Variants in CRACD observed in about 807,000 individuals in gnomAD.
The protein encoded by CRACD is capping protein inhibiting regulator of actin dynamics.
In CRACD, 56 loss-of-function variants were observed where a neutral mutation model predicts 106.8. The observed-to-expected ratio is 0.52, with a 90% CI of 0.42 to 0.66. The LOEUF (loss-of-function observed/expected upper bound fraction) is 0.66, where lower values mean the gene tolerates loss of function less well. Ranked by LOEUF, CRACD falls within the 30% of genes least tolerant of loss-of-function variation. The probability of loss-of-function intolerance (pLI) is 0.00; values close to 1 mark genes in which losing one functional copy is unlikely to be tolerated. For synonymous variants in CRACD, 754 were observed against 670.8 expected (o/e 1.12, Z -1.92); for missense variants, 1,730 against 1,623.2 (o/e 1.07, Z -1.13).
chr4:56,197,503 C>T (rs1737664501), intron 2 of CRACD, among the ~76,000 whole-genome samples: 1 of 152,078 alleles, frequency 6.6e-6, no homozygotes, highest in Non-Finnish European at 1.5e-5. Context: ...TCTCTTTCTT[C>T]CCTCCCTCTT....
chr4:56,282,055 C>A (rs1261424972), intron 3 of CRACD, among the ~76,000 whole-genome samples: 2 of 152,152 alleles, frequency 1.3e-5, no homozygotes, highest in South Asian at 2.1e-4. Context: ...CCAGTCTCTT[C>A]CAGCAACTCT....
intron 4 of CRACD, among the ~76,000 whole-genome samples, chr4:56,303,747 C>T (rs28630593): frequency 0.34 from 52,044 of 152,134 alleles, 10,497 homozygotes; most frequent in African/African-American, 0.56. Context: ...TACCTGAGGA[C>T]TGAGCACCAT....
At chr4:56,216,832 T>G (rs986880478) in intron 2 of CRACD, among the ~76,000 whole-genome samples, 3 of 148,484 alleles carry the variant, frequency 2.0e-5, no homozygotes, top group African/African-American at 5.0e-5. Context: ...TACAAAAAAT[T>G]AGCCGGGCGC....
At chr4:56,182,863 A>ATG (rs34291347) in intron 2 of CRACD, among the ~76,000 whole-genome samples, 28,129 of 144,508 alleles carry the variant, frequency 0.19, 2,963 homozygotes, top group Middle Eastern at 0.26. Context: ...AAAAAAAGAT[A>ATG]TGTGTGTGTG....
At chr4:56,076,784 T>G (rs1732854177) in intron 1 of CRACD, among the ~76,000 whole-genome samples, 1 of 152,238 alleles carries the variant, frequency 6.6e-6, no homozygotes. Flanking sequence ...TCTGTTTCCT[T>G]TGTCAGACTG....
intron 3 of CRACD, among the ~76,000 whole-genome samples, chr4:56,289,403 G>A (rs371739852): frequency 7.9e-5 from 12 of 152,172 alleles, no homozygotes; most frequent in East Asian, 3.8e-4. Flanking sequence ...TGGGCATGGC[G>A]GTTCACACCT....
chr4:56,212,082 G>C (rs1738439294), intron 2 of CRACD, among the ~76,000 whole-genome samples: 1 of 152,182 alleles, frequency 6.6e-6, no homozygotes, highest in Admixed American at 6.5e-5. Context: ...AGACCCTGCT[G>C]ATGAAATGGG....
intron 2 of CRACD, among the ~76,000 whole-genome samples, chr4:56,201,305 A>T (rs927537388): frequency 1.3e-5 from 2 of 152,214 alleles, no homozygotes; most frequent in African/African-American, 2.4e-5. Flanking sequence ...TTATACTTGA[A>T]CTTTCCAGAG....
intron 1 of CRACD, among the ~76,000 whole-genome samples, chr4:56,123,299 A>G (rs1390512864): frequency 3.3e-5 from 5 of 152,234 alleles, no homozygotes; most frequent in Non-Finnish European, 7.3e-5. Context: ...TTTATTTCTT[A>G]TAGTTCCAGA....
chr4:56,197,111 A>G (rs544366324), intron 2 of CRACD, among the ~76,000 whole-genome samples: 147 of 152,334 alleles, frequency 9.6e-4, no homozygotes, highest in Middle Eastern at 6.8e-3. Context: ...ATAATATATT[A>G]CATTGAATAA....
chr4:56,050,780 C>T (rs1285671956), intron 1 of CRACD, among the ~76,000 whole-genome samples: 1 of 152,138 alleles, frequency 6.6e-6, no homozygotes, highest in Non-Finnish European at 1.5e-5. Context: ...GTTACTGGAT[C>T]GCCCTTTCCA....
chr4:56,060,661 A>G (rs1262495143), intron 1 of CRACD, among the ~76,000 whole-genome samples: 2 of 152,108 alleles, frequency 1.3e-5, no homozygotes, highest in African/African-American at 2.4e-5. Context: ...AGGGTGCCGC[A>G]ATGGACTGAA....
chr4:56,135,159 G>A (rs377142523), intron 1 of CRACD, among the ~76,000 whole-genome samples: 55 of 152,222 alleles, frequency 3.6e-4, no homozygotes, highest in Non-Finnish European at 6.2e-4. Context: ...GGCGGTATGC[G>A]CCTGTAATCC....
chr4:56,315,298 C>T lies in CRACD; in HGVS notation c.1796C>T (p.Thr599Met), dbSNP rs1273455159. ...GTTCCCCACACCGCCATTCTGGTCACGGGCGCGCAGCTCTGTGGCCCGGCA... is the reference window on the plus strand; with the variant it reads ...GTTCCCCACACCGCCATTCTGGTCATGGGCGCGCAGCTCTGTGGCCCGGCA... ...LSVPHTAILV[T>M]GAQLCGPAVN... The change falls in exon 8 of 11, where the codon ACG (threonine) becomes ATG (methionine). Residue 599 changes from threonine to methionine, a missense_variant. Physicochemically the swap from Thr to Met is moderately conservative, Grantham distance 81. Transcript: ENST00000682029. The surrounding 1 kb of genome is among the most constrained non-coding windows in gnomAD (Gnocchi z 4.1). 1 of 1,613,720 alleles carries T rather than the reference C, an allele frequency of 6.2e-7. No homozygotes were observed. Among genetic ancestry groups the T allele is most frequent in the Non-Finnish European group, 8.5e-7 (1 of 1,179,912 alleles).
chr4:56,252,096 G>A (rs569281669), intron 2 of CRACD, among the ~76,000 whole-genome samples: 2 of 152,156 alleles, frequency 1.3e-5, no homozygotes, highest in East Asian at 3.9e-4. Flanking sequence ...AGCAATTTTG[G>A]TCATGACCCA....
Position 56,314,508 on chromosome 4 carries a change from G to A in CRACD, c.1006G>A (p.Glu336Lys), listed in dbSNP as rs1261045174. The A allele has an allele frequency of 6.6e-7, 1 of 1,516,122 alleles. No homozygotes were observed. The highest frequency in any genetic ancestry group is 2.5e-5 in the East Asian group (1 of 40,698). The allele number at this position is 1,516,122 out of a possible 1,614,324, so 93.9% of individuals were successfully genotyped here. Reference sequence around the variant, plus strand: ...CCAAGCGGAGGAGAGGCGGCGGCTGGAGGAGGACGCCAGGCTGGAGGAGCG... The same window carrying A: ...CCAAGCGGAGGAGAGGCGGCGGCTGAAGGAGGACGCCAGGCTGGAGGAGCG... ...QAQAEERRRL[E>K]EDARLEERRR... The change falls in exon 8 of 11, where the codon GAG (glutamate) becomes AAG (lysine). Residue 336 changes from glutamate to lysine, a missense_variant. Transcript: ENST00000682029. The surrounding 1 kb of genome is among the most constrained non-coding windows in gnomAD (Gnocchi z 4.4).
chr4:56,324,357 G>A (rs910033109), intron 10 of CRACD, 91 bp downstream of exon 10: 11 of 1,202,422 alleles, frequency 9.1e-6, no homozygotes, highest in Non-Finnish European at 1.3e-5. Flanking sequence ...GACTAGCAGA[G>A]CACCTCAGGC....
chr4:56,262,293 C>T (rs1360409449), intron 2 of CRACD, among the ~76,000 whole-genome samples: 2 of 152,128 alleles, frequency 1.3e-5, no homozygotes, highest in African/African-American at 4.8e-5. Context: ...CACTGGATAC[C>T]TCAGCGATCT....
intron 1 of CRACD, among the ~76,000 whole-genome samples, chr4:56,144,089 A>G (rs1266892261): frequency 6.6e-6 from 1 of 152,164 alleles, no homozygotes. Context: ...CAGGAGTGGA[A>G]AGGAAAGGGA....
Sources: gnomAD v4.1 joint callset for allele counts (sites outside exome capture counted in the v4.1 genomes callset) on GRCh38, gnomAD v4.1.1 for gene constraint, Gnocchi (gnomAD v3.1) non-coding constraint, MANE v1.5 for transcripts, NCBI Gene and HGNC (gene_info 2026-07-23, HGNC 2026-07-21) for gene names.